HIP1: variants seen among roughly 807,000 people sequenced by gnomAD.
HIP1 encodes huntingtin-interacting protein 1.
In HIP1, 65 loss-of-function variants were observed where a neutral mutation model predicts 147.6. That is an observed-to-expected ratio of 0.44 (90% confidence interval 0.36 to 0.54). The LOEUF is 0.54. HIP1 is among the 20% of genes least tolerant of loss of function. The probability of loss-of-function intolerance (pLI) is 0.00; values close to 1 mark genes in which losing one functional copy is unlikely to be tolerated. For missense variants in HIP1, 1,061 were observed against 1,299.6 expected (o/e 0.82, Z 2.82); for synonymous variants, 479 against 504.0 (o/e 0.95, Z 0.67).
At chr7:75,713,846 G>A (rs921020722) in intron 1 of HIP1, among the ~76,000 whole-genome samples, 5 of 151,290 alleles carry the variant, frequency 3.3e-5, no homozygotes, top group East Asian at 1.9e-4. Context: ...GACTACAGGC[G>A]TGCACCACAA....
chr7:75,598,270 G>A (rs1345425633), intron 2 of HIP1, among the ~76,000 whole-genome samples: 4 of 151,952 alleles, frequency 2.6e-5, no homozygotes, highest in Non-Finnish European at 5.9e-5. Context: ...GGTGGCACAC[G>A]CCTGTCATCC....
intron 1 of HIP1, among the ~76,000 whole-genome samples, chr7:75,699,840 G>A (rs1049375825): frequency 6.6e-6 from 1 of 150,992 alleles, no homozygotes; most frequent in Non-Finnish European, 1.5e-5. Flanking sequence ...TGCAGCCACG[G>A]GAGCAGCACT....
chr7:75,625,008 AC>A (rs1797988769), intron 1 of HIP1: 1 of 145,668 alleles, frequency 6.9e-6, no homozygotes. Flanking sequence ...ATCTTGGCTC[AC>A]TGCAGTGCCT....
At chr7:75,549,659 C>T (rs1794708186) in intron 22 of HIP1, among the ~76,000 whole-genome samples, 1 of 151,250 alleles carries the variant, frequency 6.6e-6, no homozygotes, top group African/African-American at 2.4e-5. Context: ...TGTAAGCCAC[C>T]ACACCTGGCC....
At chr7:75,655,590 A>AT (rs1799119805) in intron 1 of HIP1, among the ~76,000 whole-genome samples, 1 of 151,478 alleles carries the variant, frequency 6.6e-6, no homozygotes, top group African/African-American at 2.4e-5. Flanking sequence ...CAAAAAAAAA[A>AT]GAAAAGAAAA....
At chr7:75,575,742 T>C (rs1173955613) in intron 7 of HIP1, among the ~76,000 whole-genome samples, 2 of 152,092 alleles carry the variant, frequency 1.3e-5, no homozygotes, top group East Asian at 1.9e-4. Context: ...GCTGATTTTC[T>C]TTCTTGCACT....
At chr7:75,640,127 C>A (rs1033861381) in intron 1 of HIP1, among the ~76,000 whole-genome samples, 1 of 152,250 alleles carries the variant, frequency 6.6e-6, no homozygotes, top group South Asian at 2.1e-4. Flanking sequence ...GGCAAATGCT[C>A]CTTTGGGGCA....
At chr7:75,665,538 C>A (rs1172560224) in intron 1 of HIP1, among the ~76,000 whole-genome samples, 2 of 147,796 alleles carry the variant, frequency 1.4e-5, no homozygotes, top group African/African-American at 5.0e-5. Context: ...TCTCATTTTT[C>A]CGTAGTCATT....
intron 1 of HIP1, among the ~76,000 whole-genome samples, chr7:75,669,360 G>A (rs781990269): frequency 4.6e-5 from 7 of 152,010 alleles, no homozygotes; most frequent in Admixed American, 2.6e-4. Flanking sequence ...GCGACAGAGC[G>A]AGACTCCATC....
chr7:75,572,581 C>T (rs1406415387), intron 8 of HIP1, among the ~76,000 whole-genome samples: 2 of 152,180 alleles, frequency 1.3e-5, no homozygotes, highest in Non-Finnish European at 2.9e-5. Context: ...AGATGGCCTG[C>T]CACTGCCATC....
At chr7:75,718,592 G>A (rs1278111051) in intron 1 of HIP1, among the ~76,000 whole-genome samples, 1 of 152,184 alleles carries the variant, frequency 6.6e-6, no homozygotes, top group Non-Finnish European at 1.5e-5. Flanking sequence ...CCTCCGACTT[G>A]GAGCCAACGT....
At chr7:75,664,246 C>CTATATACACACATATATGTATACATACA (rs1799460271) in intron 1 of HIP1, among the ~76,000 whole-genome samples, 4 of 137,100 alleles carry the variant, frequency 2.9e-5, no homozygotes, top group African/African-American at 5.6e-5. Flanking sequence ...CATACACATA[C>CTATATACACACATATATGTATACATACA]TATATACACA....
chr7:75,595,251 T>TCTTCCTTC lies in HIP1; in HGVS notation c.185-2745_185-2738dup, dbSNP rs1554501696. 6.0e-3 allele frequency among the ~76,000 whole-genome samples: 359 copies of TCTTCCTTC among 59,456 alleles called. 10 individuals are homozygous for TCTTCCTTC. The highest frequency in any genetic ancestry group is 8.1e-3 in the Non-Finnish European group (263 of 32,352). The allele number at this position is 59,456 out of a possible 152,430, so 39.0% of individuals were successfully genotyped here. A position where few individuals can be genotyped will look rare whatever the true frequency, so the allele number is the denominator to read the frequency against. On this transcript the variant is annotated intron_variant, in intron 2 of 30. Coordinates refer to ENST00000336926, the MANE Select transcript of HIP1 (RefSeq NM_005338.7). The stretch of plus-strand genomic sequence containing the variant: ...TTCTTTCTTTCTTTCTTTCTTTCTT[T>TCTTCCTTC]CTTCCTTCCTTCCTTCCTTCCTTCC...
In HIP1 at chr7:75,537,918, C is replaced by T. The variant is rs1554489075; in HGVS notation, c.*254G>A. The T allele has an allele frequency of 1.3e-5, 7 of 534,994 alleles. No individual in the cohort carries two copies. Among genetic ancestry groups the T allele is most frequent in the Non-Finnish European group, 2.4e-5 (7 of 293,390 alleles). 33.1% of individuals were successfully genotyped at this position (534,994 alleles called of 1,614,324 possible). A position where few individuals can be genotyped will look rare whatever the true frequency, so the allele number is the denominator to read the frequency against. ...CCACCCCTCTTCGTACCTAGGCTTG[C>T]TCATGGGCAGCACTGGCCAGCCTGG... On this transcript the variant is annotated 3_prime_UTR_variant, in exon 31 of 31. Transcript: ENST00000336926.
chr7:75,665,265 A>C (rs1303877302), intron 1 of HIP1, among the ~76,000 whole-genome samples: 1 of 152,022 alleles, frequency 6.6e-6, no homozygotes, highest in Non-Finnish European at 1.5e-5. Context: ...CTATCTCTAT[A>C]AAAAAATAAG....
intron 7 of HIP1, among the ~76,000 whole-genome samples, chr7:75,578,976 C>T (rs1170243347): frequency 4.6e-5 from 7 of 151,782 alleles, no homozygotes; most frequent in African/African-American, 1.2e-4. Context: ...CCATCAATCA[C>T]GCCTGGCTAA....
chr7:75,675,204 A>AT (rs1317995540), intron 1 of HIP1, among the ~76,000 whole-genome samples: 5 of 150,802 alleles, frequency 3.3e-5, no homozygotes, highest in African/African-American at 4.9e-5. Context: ...TCTGATACTG[A>AT]TTTTTTTTCT....
Position 75,559,816 on chromosome 7 carries a change from C to T in HIP1, c.1291G>A (p.Glu431Lys). 6.2e-7 allele frequency: 1 copy of T among 1,611,206 alleles called. No individual in the cohort carries two copies. The highest frequency in any genetic ancestry group is 8.5e-7 in the Non-Finnish European group (1 of 1,178,846). ...HLRQQAADDC[E>K]FLRAELDELR... Reference sequence around the variant, plus strand: ...TCGTCCAGTTCTGCCCGCAGGAATTCACAGTCGTCGGCCGCCTGCTGCCGC... The same window carrying T: ...TCGTCCAGTTCTGCCCGCAGGAATTTACAGTCGTCGGCCGCCTGCTGCCGC... Residue 431 changes from glutamate to lysine, a missense_variant, in exon 14 of 31, where the codon GAA becomes AAA. Transcript: ENST00000336926.
Position 75,676,531 on chromosome 7 carries a change from C to T in HIP1, c.120+62270G>A, listed in dbSNP as rs1167304178. 3.3e-5 allele frequency among the ~76,000 whole-genome samples: 5 copies of T among 151,944 alleles called. No individual in the cohort carries two copies. The East Asian group carries it at 7.7e-4, about 24-fold the overall frequency. ...GTGGCTCATGCCTGTAATCCCAGCA[C>T]TTTGGGAGGCTGAGGCGGGCAGATC... On this transcript the variant is annotated intron_variant, in intron 1 of 30. Transcript: ENST00000336926.
Sources: gnomAD v4.1 joint callset for allele counts (sites outside exome capture counted in the v4.1 genomes callset) on GRCh38, gnomAD v4.1.1 for gene constraint, MANE v1.5 for transcripts, NCBI Gene and HGNC (gene_info 2026-07-23, HGNC 2026-07-21) for gene names.